The following CPNE2 variants were observed in gnomAD, a reference collection of about 807,000 sequenced individuals.
CPNE2 encodes copine 2.
In CPNE2, 42 loss-of-function variants were observed where a neutral mutation model predicts 69.7. That is an observed-to-expected ratio of 0.60 (90% CI 0.47 to 0.78). CPNE2 has a LOEUF of 0.78. CPNE2 is among the 30% of genes least tolerant of loss of function. CPNE2 has a pLI of 0.00. For missense variants in CPNE2, 587 were observed against 732.0 expected (o/e 0.80, Z 2.29); for synonymous variants, 294 against 289.8 (o/e 1.01, Z -0.15).
At chr16:57,093,073 C>T (rs2069554462) in intron 1 of CPNE2, among the ~76,000 whole-genome samples, 1 of 152,048 alleles carries the variant, frequency 6.6e-6, no homozygotes, top group Non-Finnish European at 1.5e-5. Context: ...AGCCCAGCTG[C>T]TTTGGGGACC....
chr16:57,102,633 C>T (rs1344680934), intron 1 of CPNE2, among the ~76,000 whole-genome samples: 1 of 150,896 alleles, frequency 6.6e-6, no homozygotes, highest in East Asian at 2.0e-4. Flanking sequence ...AGAGGGTCTC[C>T]CTGTGTTGCC....
chr16:57,130,926 G>A lies in CPNE2; in HGVS notation c.1116+3023G>A, dbSNP rs1265259535. 1.3e-5 allele frequency among the ~76,000 whole-genome samples: 2 copies of A among 152,100 alleles called. No homozygotes were observed. Among genetic ancestry groups the A allele is most frequent in the Non-Finnish European group, 2.9e-5 (2 of 68,012 alleles). On this transcript the variant is annotated intron_variant, in intron 12 of 15. Coordinates refer to ENST00000290776, the MANE Select transcript of CPNE2 (RefSeq NM_152727.6). The surrounding 1 kb of genome is among the most constrained non-coding windows in gnomAD (Gnocchi z 4.1). ...CGGGGGTCCCTGAGGTGTGGTTGTG[G>A]GTAGTCCTGGGGCAGGAGGCGGGGG...
chr16:57,101,883 ACGGGCACCACTCTAGGCCTT>A (rs1462388642), intron 1 of CPNE2, among the ~76,000 whole-genome samples: 2 of 152,054 alleles, frequency 1.3e-5, no homozygotes, highest in Non-Finnish European at 2.9e-5. Flanking sequence ...ACACAGGCCT[ACGGGCACCACTCTAGGCCTT>A]CTGCTAGAGC....
rs757852358 is a variant in CPNE2, at chr16:57,121,055, G to A, written c.682-38G>A. 58 of 1,533,886 alleles carry A rather than the reference G, an allele frequency of 3.8e-5. No individual in the cohort carries two copies. The South Asian group carries it at 3.8e-4, about 10-fold the overall frequency. ...AGAGGGGCTGGAGAGCACCTCTTGG[G>A]GGACAGCTCTGGGGTGACCGTGCTG... is the stretch of plus-strand genomic sequence containing the variant. On this transcript the variant is annotated intron_variant, in intron 7 of 15. Coordinates refer to ENST00000290776, the MANE Select transcript of CPNE2 (RefSeq NM_152727.6).
intron 14 of CPNE2, chr16:57,145,058 T>G (rs2069947488): frequency 6.6e-6 from 1 of 152,216 alleles, no homozygotes; most frequent in Admixed American, 6.5e-5. Flanking sequence ...ACAGTTTGTA[T>G]TTTATATATC....
At chr16:57,095,809 G>A (rs1217380008) in intron 1 of CPNE2, among the ~76,000 whole-genome samples, 2 of 152,206 alleles carry the variant, frequency 1.3e-5, no homozygotes, top group African/African-American at 4.8e-5. Flanking sequence ...TCTGAGGTCT[G>A]CAATGAGACT....
At chr16:57,102,114 A>AT (rs79474295) in intron 1 of CPNE2, among the ~76,000 whole-genome samples, 10,338 of 150,324 alleles carry the variant, frequency 0.069, 610 homozygotes, top group African/African-American at 0.14. Context: ...TGCCCAGCTA[A>AT]TTTTTTTTTG....
intron 12 of CPNE2, 79 bp downstream of exon 12, chr16:57,127,982 A>G: frequency 1.4e-6 from 2 of 1,469,366 alleles, no homozygotes; most frequent in Non-Finnish European, 1.9e-6. Flanking sequence ...AGCTCTGGAA[A>G]GGTCTTGGGC....
chr16:57,098,688 A>G (rs2069593997), intron 1 of CPNE2, among the ~76,000 whole-genome samples: 1 of 152,086 alleles, frequency 6.6e-6, no homozygotes, highest in South Asian at 2.1e-4. Context: ...CAATTCCAAG[A>G]TGTTATGGTT....
Position 57,110,918 on chromosome 16 carries a change from T to C in CPNE2, c.176T>C (p.Ile59Thr). 6.2e-7 allele frequency: 1 copy of C among 1,610,490 alleles called. No homozygotes were observed. Among genetic ancestry groups the C allele is most frequent in the Non-Finnish European group, 8.5e-7 (1 of 1,178,164 alleles). The change falls in exon 2 of 16, where the codon ATC becomes ACC. Residue 59 changes from isoleucine (I) to threonine (T), a missense_variant. Ile to Thr is a moderately conservative substitution (Grantham distance 89, BLOSUM62 -1). This residue lies in a region of CPNE2 where 96 missense variants were observed against 94.9 expected (regional missense o/e 1.01). Transcript: ENST00000290776. ...VLFTENNGRW[I>T]EYDRTETAIN... ...TTTACAGAGAACAATGGCAGATGGA[T>C]CGAGGTGAGGCTCTTCCGTGTGTCT...
At chr16:57,094,443 AT>A (rs2069565486) in intron 1 of CPNE2, among the ~76,000 whole-genome samples, 1 of 152,138 alleles carries the variant, frequency 6.6e-6, no homozygotes, top group Non-Finnish European at 1.5e-5. Flanking sequence ...AAACTGGGGC[AT>A]AAGGGAAGAA....
intron 4 of CPNE2, among the ~76,000 whole-genome samples, chr16:57,116,544 C>T (rs1274286966): frequency 6.6e-6 from 1 of 152,142 alleles, no homozygotes; most frequent in Non-Finnish European, 1.5e-5. Context: ...AGAGTGAAAC[C>T]CCATCTCTGA....
intron 11 of CPNE2, among the ~76,000 whole-genome samples, 194 bp from the exon 12 acceptor site, chr16:57,127,655 C>T (rs1353300317): frequency 6.6e-6 from 1 of 152,172 alleles, no homozygotes; most frequent in African/African-American, 2.4e-5. Flanking sequence ...TGTGGTCAGG[C>T]CACATGTTCA....
In CPNE2 at chr16:57,119,653, G is replaced by A. The variant is rs200482251; in HGVS notation, c.681+3G>A. ...GGGACATGGAGAAGCCCATCCAGGT[G>A]AGGGGGCTCTGGGGACCCTGCTCCC... On this transcript the variant is annotated splice_donor_region_variant and intron_variant, in intron 7 of 15. Coordinates refer to ENST00000290776, the MANE Select transcript of CPNE2 (RefSeq NM_152727.6). The A allele has an allele frequency of 6.4e-7, 1 of 1,563,096 alleles. No individual in the cohort carries two copies. The highest frequency in any genetic ancestry group is 8.8e-7 in the Non-Finnish European group (1 of 1,139,246).
rs1205195843 is a variant in CPNE2 at position 57,123,403 on chromosome 16, C to A, written c.868-11C>A. 6.2e-7 allele frequency: 1 copy of A among 1,612,586 alleles called. No homozygotes were observed. The highest frequency in any genetic ancestry group is 1.1e-5 in the South Asian group (1 of 91,084). On this transcript the variant is annotated splice_polypyrimidine_tract_variant and intron_variant, in intron 9 of 15. Coordinates refer to ENST00000290776, the MANE Select transcript of CPNE2 (RefSeq NM_152727.6). ...TCAAGGGGACCCACTGACTCATCCGCTTTCTTCCAGATAAACCGAGACTAC... is the reference window on the plus strand; with the variant it reads ...TCAAGGGGACCCACTGACTCATCCGATTTCTTCCAGATAAACCGAGACTAC...
chr16:57,093,530 G>A (rs1327474552), intron 1 of CPNE2, among the ~76,000 whole-genome samples: 1 of 151,702 alleles, frequency 6.6e-6, no homozygotes, highest in Admixed American at 6.6e-5. Context: ...CTCGCTCCAC[G>A]TCCCCCCGAG....
chr16:57,124,954 C>T (rs1018969826), intron 10 of CPNE2: 3 of 272,094 alleles, frequency 1.1e-5, no homozygotes, highest in Non-Finnish European at 2.3e-5. Context: ...GGCTGTGTCC[C>T]TGCAGCGGTC....
At chr16:57,098,746 G>T (rs1166351080) in intron 1 of CPNE2, among the ~76,000 whole-genome samples, 2 of 152,058 alleles carry the variant, frequency 1.3e-5, no homozygotes, top group South Asian at 2.1e-4. Flanking sequence ...ACAAACTTGT[G>T]TCGAGCTTCC....
rs1164009722 is a variant in CPNE2 at position 57,146,399 on chromosome 16, T to TGG, written c.1539+81_1539+82dup. 8 of 1,250,070 alleles carry TGG rather than the reference T, an allele frequency of 6.4e-6. No homozygotes were observed. Among genetic ancestry groups the TGG allele is most frequent in the Non-Finnish European group, 8.9e-6 (8 of 897,490 alleles). The allele number at this position is 1,250,070 out of a possible 1,614,324, so 77.4% of individuals were successfully genotyped here. On this transcript the variant is annotated intron_variant, in intron 15 of 15. Coordinates refer to ENST00000290776, the MANE Select transcript of CPNE2 (RefSeq NM_152727.6). The surrounding 1 kb of genome is among the most constrained non-coding windows in gnomAD (Gnocchi z 4.4). ...AGCTCATAATCAAGCTTGAGAGTCT[T>TGG]GGGGTTGTCTGGCCCAATCCTAGAC...
Sources: gnomAD v4.1 joint callset for allele counts (sites outside exome capture counted in the v4.1 genomes callset) on GRCh38, gnomAD v4.1.1 for gene constraint, gnomAD v4.1.1 regional missense constraint, Gnocchi (gnomAD v3.1) non-coding constraint, MANE v1.5 for transcripts, NCBI Gene and HGNC (gene_info 2026-07-23, HGNC 2026-07-21) for gene names.